Variants in DOP1B observed in about 807,000 individuals in gnomAD.
The protein encoded by DOP1B is DOP1 leucine zipper like protein B.
In DOP1B, 174 loss-of-function variants were observed where a neutral mutation model predicts 233.5. That is an observed-to-expected ratio of 0.75 (90% CI 0.66 to 0.85). The LOEUF (loss-of-function observed/expected upper bound fraction) is 0.85. Among genes scored for constraint, DOP1B ranks in the 40% least tolerant of loss-of-function variants. The pLI is 0.00. For synonymous variants in DOP1B, 1,190 were observed against 1,185.6 expected (o/e 1.00, Z -0.08); for missense variants, 2,652 against 2,846.6 (o/e 0.93, Z 1.56).
chr21:36,281,641 C>A, intron 32 of DOP1B, 30 bp downstream of exon 32: 1 of 1,509,694 alleles, frequency 6.6e-7, no homozygotes, highest in Non-Finnish European at 9.0e-7. Flanking sequence ...CTGTTTTTTG[C>A]TGCTATAACA....
intron 9 of DOP1B, among the ~76,000 whole-genome samples, chr21:36,216,560 G>A (rs1472946046): frequency 6.6e-6 from 1 of 152,134 alleles, no homozygotes; most frequent in Non-Finnish European, 1.5e-5. Context: ...GCAGTGAGCT[G>A]AGATCGCACC....
chr21:36,278,251 G>A lies in DOP1B; in HGVS notation c.5865G>A (p.Leu1955=), dbSNP rs2067376861. The A allele has an allele frequency of 6.2e-7, 1 of 1,614,022 alleles. No individual in the cohort carries two copies. The highest frequency in any genetic ancestry group is 1.7e-5 in the Admixed American group (1 of 59,976). The change falls in exon 30 of 37, where the codon CTG becomes CTA. Residue 1955 remains leucine, a synonymous_variant. Transcript: ENST00000691173. The part of the protein sequence containing the change: ...APSFRAGAQL[L]SSLSGYAYTK... ...GCTTCCGGGCTGGCGCTCAGCTGCT[G>A]AGCTCCCTGAGTGGCTATGCCTACA...
At chr21:36,201,417 G>A (rs1334267841) in intron 4 of DOP1B, among the ~76,000 whole-genome samples, 4 of 141,470 alleles carry the variant, frequency 2.8e-5, no homozygotes, top group African/African-American at 8.1e-5. Context: ...GTGCGATCTC[G>A]GCTCACTACA....
rs762310943 is a variant in DOP1B, at chr21:36,227,701, G to A, written c.1489G>A (p.Val497Met). ...TATTTCACAGGAACTTTACTCTGAG[G>A]TGCAAACCCAGTATCTCCCTCAGGT... Reference protein sequence around the residue: ...DVIPLELYSEVQTQYLPQVLG... With the variant: ...DVIPLELYSEMQTQYLPQVLG... Residue 497 changes from valine (V) to methionine (M), a missense_variant, in exon 13 of 37, where the codon GTG becomes ATG. Coordinates refer to ENST00000691173, the MANE Select transcript of DOP1B (RefSeq NM_001320714.2). The A allele has an allele frequency of 3.2e-6, 5 of 1,568,296 alleles. No homozygotes were observed. The highest frequency in any genetic ancestry group is 2.7e-5 in the African/African-American group (2 of 73,590).
chr21:36,204,771 C>T (rs1010078467), intron 4 of DOP1B, among the ~76,000 whole-genome samples: 16 of 151,544 alleles, frequency 1.1e-4, no homozygotes, highest in African/African-American at 3.6e-4. Context: ...TCTCCTCCCT[C>T]AGCCTCCCGA....
At chr21:36,273,105 A>C (rs1018738617) in intron 27 of DOP1B, among the ~76,000 whole-genome samples, 1 of 151,140 alleles carries the variant, frequency 6.6e-6, no homozygotes, top group Non-Finnish European at 1.5e-5. Context: ...CATCTCAAAA[A>C]AATAAATAAA....
Position 36,237,271 on chromosome 21 carries a change from C to G in DOP1B, c.2632C>G (p.Arg878Gly). ...CTTTTCCTTGTCCCAGAGGGTGGCT[C>G]GTGTGCTTTGGAATCAGCTGAACAA... ...EKTDFYQRVA[R>G]VLWNQLNKET... Residue 878 changes from arginine (R) to glycine (G), a missense_variant, in exon 16 of 37, where the codon CGT (arginine) becomes GGT (glycine). By Grantham distance (125) the Arg-to-Gly change is moderately radical. This residue lies in a region of DOP1B where 2,617 missense variants were observed against 2,794.3 expected (regional missense o/e 0.94). Coordinates refer to ENST00000691173, the MANE Select transcript of DOP1B (RefSeq NM_001320714.2). 1 of 1,614,110 alleles carries G rather than the reference C, an allele frequency of 6.2e-7. No homozygotes were observed. The highest frequency in any genetic ancestry group is 8.5e-7 in the Non-Finnish European group (1 of 1,180,036).
In DOP1B at chr21:36,200,451, C is replaced by T; in HGVS notation, c.441C>T (p.Phe147=). The change falls in exon 4 of 37, where the codon TTC becomes TTT. Residue 147 remains phenylalanine, a synonymous_variant. Coordinates refer to ENST00000691173, the MANE Select transcript of DOP1B (RefSeq NM_001320714.2). ...QKLLLPSLQA[F]IVGLLPGLEE... Reference sequence around the variant, plus strand: ...TGCTCCTGCCCAGTCTGCAGGCCTTCATCGTGGGCCTGCTGCCCGGCCTTG... The same window carrying T: ...TGCTCCTGCCCAGTCTGCAGGCCTTTATCGTGGGCCTGCTGCCCGGCCTTG... The T allele has an allele frequency of 6.2e-7, 1 of 1,613,196 alleles. No homozygotes were observed. Among genetic ancestry groups the T allele is most frequent in the Non-Finnish European group, 8.5e-7 (1 of 1,179,978 alleles).
At chr21:36,210,360 T>C (rs1479835399) in intron 5 of DOP1B, among the ~76,000 whole-genome samples, 1 of 151,614 alleles carries the variant, frequency 6.6e-6, no homozygotes, top group Non-Finnish European at 1.5e-5. Flanking sequence ...AATACAAAAA[T>C]TAGCCTGGGC....
rs200685392 is a variant in DOP1B, at chr21:36,208,717, C to T, written c.494C>T (p.Thr165Met). ...LEEGSEISDRTDALLLRLSLV... is the reference protein window; with the variant it reads ...LEEGSEISDRMDALLLRLSLV... ...ACCCTATCCTCTCTCATCAACAGAA[C>T]GGATGCTCTGCTCCTGAGACTGTCG... Residue 165 changes from threonine to methionine, a missense_variant and splice_region_variant, in exon 5 of 37, where the codon ACG (threonine) becomes ATG (methionine). Coordinates refer to ENST00000691173, the MANE Select transcript of DOP1B (RefSeq NM_001320714.2). 67 of 1,612,810 alleles carry T rather than the reference C, an allele frequency of 4.2e-5. No homozygotes were observed. In the East Asian group the frequency reaches 7.2e-4, roughly 17 times the overall value.
At chr21:36,211,924 C>A in intron 6 of DOP1B, 50 bp from the exon 7 acceptor site, 2 of 1,612,534 alleles carry the variant, frequency 1.2e-6, no homozygotes, top group Non-Finnish European at 1.7e-6. Context: ...AAAAAGTCAG[C>A]AATCTGCCCT....
At chr21:36,284,527 C>G (rs2067460593) in intron 32 of DOP1B, among the ~76,000 whole-genome samples, 1 of 152,100 alleles carries the variant, frequency 6.6e-6, no homozygotes, top group Non-Finnish European at 1.5e-5. Context: ...CCTCGGCCTC[C>G]CAAAGTGCTG....
chr21:36,161,730 C>T (rs2065871159), intron 1 of DOP1B, among the ~76,000 whole-genome samples: 1 of 152,190 alleles, frequency 6.6e-6, no homozygotes, highest in East Asian at 1.9e-4. Flanking sequence ...TTTGCCTTAC[C>T]TGAGAAAGAT....
Position 36,278,090 on chromosome 21 carries a change from G to T in DOP1B, c.5822+6G>T, listed in dbSNP as rs752753642. 1.2e-6 allele frequency: 2 copies of T among 1,613,756 alleles called. No homozygotes were observed. The highest frequency in any genetic ancestry group is 1.3e-5 in the African/African-American group (1 of 75,036). ...CCATACTTACGCAACCACAGGTAAC[G>T]TCATCTTCGCCATTTCTTCCCACCC... On this transcript the variant is annotated splice_donor_region_variant and intron_variant, in intron 29 of 36. Transcript: ENST00000691173.
At chr21:36,173,227 A>G (rs547347958) in intron 2 of DOP1B, among the ~76,000 whole-genome samples, 1 of 152,270 alleles carries the variant, frequency 6.6e-6, no homozygotes, top group Non-Finnish European at 1.5e-5. Context: ...AAGGTAGGTA[A>G]CTAAATGTTA....
chr21:36,238,528 G>A, intron 16 of DOP1B, 73 bp from the exon 17 acceptor site: 1 of 1,239,390 alleles, frequency 8.1e-7, no homozygotes. Context: ...TGTTTAAATG[G>A]GGTTTATGGT....
In DOP1B at chr21:36,289,134, T is replaced by C. The variant is rs772455030; in HGVS notation, c.6443T>C (p.Leu2148Ser). The C allele has an allele frequency of 1.9e-6, 3 of 1,614,122 alleles. No individual in the cohort carries two copies. The highest frequency in any genetic ancestry group is 2.5e-6 in the Non-Finnish European group (3 of 1,180,004). ...GAGATACCCCAGAGTGAACTCATCT[T>C]GTATTTATCAGCTTGCAAATTCTTG... ...VGEIPQSELI[L>S]YLSACKFLDT... Residue 2148 changes from leucine (L) to serine (S), a missense_variant, in exon 35 of 37, where the codon TTG becomes TCG. Leu to Ser is a moderately radical substitution (Grantham distance 145). Transcript: ENST00000691173.
chr21:36,254,304 A>G (rs985720915), intron 23 of DOP1B, among the ~76,000 whole-genome samples: 2 of 152,206 alleles, frequency 1.3e-5, no homozygotes, highest in Non-Finnish European at 2.9e-5. Flanking sequence ...GAAAGATGGT[A>G]AAGACAGATG....
At chr21:36,208,978 C>A in intron 5 of DOP1B, 74 bp downstream of exon 5, 1 of 1,390,154 alleles carries the variant, frequency 7.2e-7, no homozygotes, top group South Asian at 1.6e-5. Flanking sequence ...GGCAGGTTGT[C>A]ACTGAAGCTG....
Sources: allele counts gnomAD v4.1 joint callset (sites outside exome capture counted in the v4.1 genomes callset), GRCh38; gene constraint gnomAD v4.1.1; regional missense constraint gnomAD v4.1.1; transcripts MANE v1.5; gene names NCBI Gene and HGNC (gene_info 2026-07-23, HGNC 2026-07-21).